The following SLC35F3 variants were observed in gnomAD, a reference collection of about 807,000 sequenced individuals.
SLC35F3 encodes the protein putative thiamine transporter SLC35F3.
Under a neutral mutation model 49.9 loss-of-function variants are expected in SLC35F3, and 25 were observed. The ratio of observed to expected loss-of-function variants is 0.50; its 90% CI spans 0.37 to 0.70. The LOEUF (loss-of-function observed/expected upper bound fraction) is 0.70. Ranked by LOEUF, SLC35F3 falls within the 30% of genes least tolerant of loss-of-function variation. The pLI is 0.00. For missense variants in SLC35F3, 525 were observed against 639.8 expected (o/e 0.82, Z 1.94); for synonymous variants, 275 against 265.4 (o/e 1.04, Z -0.35).
chr1:234,155,302 A>C (rs1464749176), intron 2 of SLC35F3, among the ~76,000 whole-genome samples: 2 of 152,144 alleles, frequency 1.3e-5, no homozygotes, highest in Non-Finnish European at 2.9e-5. Flanking sequence ...ATTGTCTAAT[A>C]AAGGTTTCTA....
At chr1:234,313,404 C>T (rs962494867) in intron 4 of SLC35F3, among the ~76,000 whole-genome samples, 2 of 152,100 alleles carry the variant, frequency 1.3e-5, no homozygotes, top group Admixed American at 1.3e-4. Context: ...CTCTGGCAGC[C>T]GGGCAGGTTA....
intron 3 of SLC35F3, among the ~76,000 whole-genome samples, chr1:234,245,215 C>T (rs922488050): frequency 1.3e-5 from 2 of 152,180 alleles, no homozygotes; most frequent in African/African-American, 4.8e-5. Flanking sequence ...TGAGAACATG[C>T]AGTATTTCTC....
intron 2 of SLC35F3, among the ~76,000 whole-genome samples, chr1:233,924,913 G>T (rs966596182): frequency 1.3e-5 from 2 of 152,182 alleles, no homozygotes; most frequent in Admixed American, 1.3e-4. Flanking sequence ...TCAGGAGCAG[G>T]TTGTTCAGTT....
chr1:233,939,056 CT>C (rs1202989631), intron 2 of SLC35F3, among the ~76,000 whole-genome samples: 3 of 152,176 alleles, frequency 2.0e-5, no homozygotes, highest in African/African-American at 7.2e-5. Flanking sequence ...GCTTCTGGTT[CT>C]TTCAGGTTGC....
chr1:234,280,636 A>C (rs2102980606), intron 3 of SLC35F3, among the ~76,000 whole-genome samples: 1 of 152,308 alleles, frequency 6.6e-6, no homozygotes, highest in South Asian at 2.1e-4. Context: ...GATTCTCCCA[A>C]GGTCAAGACA....
intron 2 of SLC35F3, chr1:234,212,786 G>A (rs546263835): frequency 6.6e-6 from 1 of 152,164 alleles, no homozygotes; most frequent in African/African-American, 2.4e-5. Context: ...GTAGTAAAAA[G>A]ATCCTCTTTA....
intron 2 of SLC35F3, among the ~76,000 whole-genome samples, chr1:233,948,456 T>C (rs1387288180): frequency 1.3e-5 from 2 of 152,036 alleles, no homozygotes; most frequent in African/African-American, 4.8e-5. Flanking sequence ...TTCAAGTGGG[T>C]ACCACAACAG....
chr1:234,214,742 C>T lies in SLC35F3; in HGVS notation c.284-16675C>T. 1 of 914,916 alleles carries T rather than the reference C, an allele frequency of 1.1e-6. No homozygotes were observed. The highest frequency in any genetic ancestry group is 1.5e-6 in the Non-Finnish European group (1 of 657,118). The allele number at this position is 914,916 out of a possible 1,614,324, so 56.7% of individuals were successfully genotyped here. On this transcript the variant is annotated intron_variant, in intron 2 of 7. Transcript: ENST00000366618. This position sits in a 1 kb window ranked among gnomAD's most constrained non-coding sequence, Gnocchi z 8.0. ...CCGCCTGCGTGGGGGGATCTGGCAG[C>T]TTCAGGGGCTGCCCTGAGCTCCCTG...
At chr1:234,032,178 C>T (rs139181294) in intron 2 of SLC35F3, among the ~76,000 whole-genome samples, 1 of 151,994 alleles carries the variant, frequency 6.6e-6, no homozygotes, top group Non-Finnish European at 1.5e-5. Flanking sequence ...TCTCTGTGTT[C>T]GTATGATCCC....
At chr1:234,198,470 TGC>T (rs1316185048) in intron 2 of SLC35F3, among the ~76,000 whole-genome samples, 1 of 152,226 alleles carries the variant, frequency 6.6e-6, no homozygotes, top group Non-Finnish European at 1.5e-5. Flanking sequence ...TTTGAGGAAG[TGC>T]CAGGCCATTT....
intron 4 of SLC35F3, among the ~76,000 whole-genome samples, chr1:234,309,721 G>A (rs1262767633): frequency 6.6e-6 from 1 of 152,212 alleles, no homozygotes; most frequent in Admixed American, 6.5e-5. Context: ...TGCTAACACT[G>A]CCACTCTCGG....
At chr1:233,913,145 T>C (rs1661909992) in intron 2 of SLC35F3, among the ~76,000 whole-genome samples, 1 of 152,164 alleles carries the variant, frequency 6.6e-6, no homozygotes, top group Non-Finnish European at 1.5e-5. Flanking sequence ...GGAGGAGTCA[T>C]TCACAACAGA....
In SLC35F3 at chr1:234,255,416, A is replaced by G. The variant is rs555624406; in HGVS notation, c.608+23675A>G. On this transcript the variant is annotated intron_variant, in intron 3 of 7. Transcript: ENST00000366618. Reference sequence around the variant, plus strand: ...ATTCATTGCTGGGGAAATGCAAAATAGCACAGCCACTTTAGAAAACAGCTT... The same window carrying G: ...ATTCATTGCTGGGGAAATGCAAAATGGCACAGCCACTTTAGAAAACAGCTT... Among the ~76,000 whole-genome samples, 9 of 152,356 alleles carry G rather than the reference A, an allele frequency of 5.9e-5. No homozygotes were observed. In the South Asian group the frequency reaches 1.9e-3, roughly 32 times the overall value.
At chr1:233,952,151 T>C (rs1163254221) in intron 2 of SLC35F3, among the ~76,000 whole-genome samples, 2 of 152,168 alleles carry the variant, frequency 1.3e-5, no homozygotes, top group Admixed American at 6.5e-5. Flanking sequence ...TTTTTTTTCT[T>C]CTACTTCTTT....
chr1:234,242,117 T>C (rs966231152), intron 3 of SLC35F3, among the ~76,000 whole-genome samples: 1 of 152,230 alleles, frequency 6.6e-6, no homozygotes, highest in South Asian at 2.1e-4. Context: ...GAAATTGCTA[T>C]GCTGGATTTT....
intron 2 of SLC35F3, among the ~76,000 whole-genome samples, chr1:234,224,415 A>C (rs1327486141): frequency 3.9e-5 from 6 of 152,152 alleles, no homozygotes; most frequent in Non-Finnish European, 7.4e-5. Context: ...AAACACAACC[A>C]CACTGGATGT....
chr1:234,207,106 C>T (rs1229220118), intron 2 of SLC35F3, among the ~76,000 whole-genome samples: 2 of 152,058 alleles, frequency 1.3e-5, no homozygotes, highest in Non-Finnish European at 2.9e-5. Flanking sequence ...GTCGATGAGT[C>T]ATCCGGAACA....
chr1:234,063,564 C>T (rs1360624900), intron 2 of SLC35F3, among the ~76,000 whole-genome samples: 4 of 151,976 alleles, frequency 2.6e-5, no homozygotes, highest in Admixed American at 2.6e-4. Context: ...CTTCAGATCC[C>T]CCCAATAAAA....
chr1:234,317,660 C>A (rs2102997896), intron 5 of SLC35F3, among the ~76,000 whole-genome samples: 1 of 152,286 alleles, frequency 6.6e-6, no homozygotes, highest in South Asian at 2.1e-4. Context: ...TCCTTCATCA[C>A]CTCCCTGCCC....
Sources: allele counts gnomAD v4.1 joint callset (sites outside exome capture counted in the v4.1 genomes callset), GRCh38; gene constraint gnomAD v4.1.1; non-coding constraint Gnocchi (gnomAD v3.1); transcripts MANE v1.5; gene names NCBI Gene and HGNC (gene_info 2026-07-23, HGNC 2026-07-21).